SPIDR: variants seen among roughly 807,000 people sequenced by gnomAD.
SPIDR encodes DNA repair-scaffolding protein.
In SPIDR, 93 loss-of-function variants were observed where a neutral mutation model predicts 104.6. That is an observed-to-expected ratio of 0.89 (90% CI 0.75 to 1.06). The LOEUF is 1.06. Among genes scored for constraint, SPIDR ranks in the 50% least tolerant of loss-of-function variants. The probability of loss-of-function intolerance (pLI) is 0.00; values close to 1 mark genes in which losing one functional copy is unlikely to be tolerated. For synonymous variants in SPIDR, 431 were observed against 416.9 expected (o/e 1.03, Z -0.41); for missense variants, 1,154 against 1,111.2 (o/e 1.04, Z -0.55).
At chr8:47,329,137 C>T (rs1041562069) in intron 5 of SPIDR, among the ~76,000 whole-genome samples, 4 of 150,758 alleles carry the variant, frequency 2.7e-5, no homozygotes, top group Non-Finnish European at 5.9e-5. Flanking sequence ...GTGGTGTAAT[C>T]TCAGCTCACT....
intron 10 of SPIDR, among the ~76,000 whole-genome samples, chr8:47,648,859 A>G (rs1252603939): frequency 6.6e-6 from 1 of 152,216 alleles, no homozygotes; most frequent in Admixed American, 6.5e-5. Context: ...GTAAGACTCG[A>G]TGAAAACAAA....
chr8:47,735,123 T>TGG (rs1442139181), intron 19 of SPIDR, among the ~76,000 whole-genome samples, 184 bp from the exon 20 acceptor site: 1 of 151,028 alleles, frequency 6.6e-6, no homozygotes, highest in Non-Finnish European at 1.5e-5. Flanking sequence ...TGTGTGTGTG[T>TGG]GTGTGTGTGT....
chr8:47,658,261 A>T, intron 10 of SPIDR, among the ~76,000 whole-genome samples: 1 of 151,722 alleles, frequency 6.6e-6, no homozygotes, highest in East Asian at 1.9e-4. Flanking sequence ...TCTACTAAAA[A>T]TGCAAAATCA....
At chr8:47,394,235 T>G (rs1348284919) in intron 5 of SPIDR, among the ~76,000 whole-genome samples, 1 of 152,154 alleles carries the variant, frequency 6.6e-6, no homozygotes, top group Non-Finnish European at 1.5e-5. Flanking sequence ...TCTCTTTCCC[T>G]GTGCCCCTCT....
intron 8 of SPIDR, among the ~76,000 whole-genome samples, chr8:47,505,358 G>A (rs960638979): frequency 5.3e-5 from 8 of 152,158 alleles, no homozygotes; most frequent in African/African-American, 1.4e-4. Context: ...CCCAAGCCTC[G>A]CTGCCGCCTT....
intron 5 of SPIDR, among the ~76,000 whole-genome samples, chr8:47,359,380 G>A (rs540727479): frequency 6.6e-6 from 1 of 152,120 alleles, no homozygotes; most frequent in South Asian, 2.1e-4. Context: ...CATGGGTCAA[G>A]GGCCCTGTTT....
At chr8:47,471,813 C>A (rs2075751459) in intron 8 of SPIDR, among the ~76,000 whole-genome samples, 1 of 152,108 alleles carries the variant, frequency 6.6e-6, no homozygotes, top group Admixed American at 6.5e-5. Flanking sequence ...GTTTTCTAAC[C>A]CAAATTCATA....
intron 8 of SPIDR, among the ~76,000 whole-genome samples, chr8:47,489,191 A>T (rs532564321): frequency 7.9e-5 from 12 of 152,356 alleles, no homozygotes; most frequent in African/African-American, 2.4e-4. Context: ...AATCACAAGC[A>T]TTCTTATACA....
chr8:47,735,141 CTCT>C (rs1262067371), intron 19 of SPIDR, among the ~76,000 whole-genome samples, 163 bp from the exon 20 acceptor site: 3 of 150,288 alleles, frequency 2.0e-5, no homozygotes, highest in East Asian at 2.0e-4. Flanking sequence ...TGTGTAGTGG[CTCT>C]TCATTTGTTT....
intron 5 of SPIDR, among the ~76,000 whole-genome samples, chr8:47,309,225 A>C (rs1436065479): frequency 1.3e-5 from 2 of 152,184 alleles, no homozygotes; most frequent in Non-Finnish European, 2.9e-5. Context: ...TTTTTGTATG[A>C]TTATATTTTA....
At chr8:47,505,049 G>T (rs2154373257) in intron 8 of SPIDR, among the ~76,000 whole-genome samples, 1 of 152,150 alleles carries the variant, frequency 6.6e-6, no homozygotes, top group East Asian at 1.9e-4. Flanking sequence ...CCTACTGAAG[G>T]GTGCCTCCCA....
chr8:47,477,341 C>A (rs782285574), intron 8 of SPIDR, among the ~76,000 whole-genome samples: 1 of 152,056 alleles, frequency 6.6e-6, no homozygotes, highest in African/African-American at 2.4e-5. Flanking sequence ...GGATTACAGG[C>A]GCTTGGCGAC....
At chr8:47,422,512 CT>C (rs1336374733) in intron 7 of SPIDR, among the ~76,000 whole-genome samples, 1 of 152,222 alleles carries the variant, frequency 6.6e-6, no homozygotes, top group Admixed American at 6.5e-5. Flanking sequence ...TCTGTCACCC[CT>C]TTCCTTAGCT....
In SPIDR at chr8:47,641,689, A is replaced by G. The variant is rs146265456; in HGVS notation, c.1545-32112A>G. On this transcript the variant is annotated intron_variant, in intron 10 of 19. Transcript: ENST00000297423. Reference sequence around the variant, plus strand: ...TGCTGGGCTCCCCTGCAGCCTCTCAAGGGAGGAGGATGAACACTCAAGGGA... The same window carrying G: ...TGCTGGGCTCCCCTGCAGCCTCTCAGGGGAGGAGGATGAACACTCAAGGGA... 3.8e-3 allele frequency among the ~76,000 whole-genome samples: 586 copies of G among 152,218 alleles called. 3 individuals carry two copies. The highest frequency in any genetic ancestry group is 0.022 in the South Asian group (107 of 4,822).
chr8:47,731,482 C>T (rs931762003), intron 19 of SPIDR, among the ~76,000 whole-genome samples: 6 of 152,232 alleles, frequency 3.9e-5, no homozygotes, highest in Admixed American at 3.3e-4. Flanking sequence ...TCACATTTCC[C>T]TGTTCAACCT....
intron 16 of SPIDR, among the ~76,000 whole-genome samples, chr8:47,715,904 T>G (rs1448802302): frequency 2.6e-5 from 4 of 152,138 alleles, no homozygotes; most frequent in Non-Finnish European, 4.4e-5. Context: ...TTAACCTTTT[T>G]GAAGAACACC....
chr8:47,559,503 C>A (rs529803714), intron 8 of SPIDR, among the ~76,000 whole-genome samples: 2 of 152,332 alleles, frequency 1.3e-5, no homozygotes, highest in South Asian at 2.1e-4. Flanking sequence ...GTTACCCAGG[C>A]CTTTGCTTGC....
chr8:47,281,210 A>T (rs2037710981), intron 2 of SPIDR, among the ~76,000 whole-genome samples: 1 of 152,338 alleles, frequency 6.6e-6, no homozygotes, highest in Non-Finnish European at 1.5e-5. Flanking sequence ...AGCCTTCACC[A>T]AGGTATAATC....
chr8:47,495,815 G>T (rs1011700669), intron 8 of SPIDR, among the ~76,000 whole-genome samples: 3 of 151,892 alleles, frequency 2.0e-5, no homozygotes. Flanking sequence ...AATTTTCTTG[G>T]CACTCTTGTT....
Sources: gnomAD v4.1 joint callset for allele counts (sites outside exome capture counted in the v4.1 genomes callset) on GRCh38, gnomAD v4.1.1 for gene constraint, MANE v1.5 for transcripts, NCBI Gene and HGNC (gene_info 2026-07-23, HGNC 2026-07-21) for gene names.